Variants in UNC5D observed in about 807,000 individuals in gnomAD.
UNC5D encodes the protein unc-5 netrin receptor D.
A neutral mutation model predicts 105.4 loss-of-function variants in UNC5D; 39 were observed. The ratio of observed to expected loss-of-function variants is 0.37; its 90% confidence interval spans 0.29 to 0.48. The LOEUF (loss-of-function observed/expected upper bound fraction) is 0.48. Ranked by LOEUF, UNC5D falls within the 20% of genes least tolerant of loss-of-function variation. The probability of loss-of-function intolerance (pLI) is 0.98; values close to 1 mark genes in which losing one functional copy is unlikely to be tolerated. For synonymous variants in UNC5D, 452 were observed against 450.4 expected, an observed-to-expected ratio of 1.00 and a Z score of -0.04; for missense variants, 991 against 1,202.4, an observed-to-expected ratio of 0.82 and a Z score of 2.60.
intron 1 of UNC5D, among the ~76,000 whole-genome samples, chr8:35,360,097 A>G (rs1388324457): frequency 1.3e-5 from 2 of 152,208 alleles, no homozygotes; most frequent in Admixed American, 6.5e-5. Flanking sequence ...ATAATGCACT[A>G]GAAAATTAGT....
intron 4 of UNC5D, among the ~76,000 whole-genome samples, chr8:35,607,874 C>A (rs1180785796): frequency 6.6e-6 from 1 of 151,876 alleles, no homozygotes; most frequent in East Asian, 1.9e-4. Flanking sequence ...AACCCTAACC[C>A]TAGCAGTATG....
intron 1 of UNC5D, among the ~76,000 whole-genome samples, chr8:35,391,034 A>T (rs952472666): frequency 6.6e-6 from 1 of 152,170 alleles, no homozygotes; most frequent in African/African-American, 2.4e-5. Context: ...CTGTACTTTC[A>T]TCTGTGACTG....
intron 16 of UNC5D, among the ~76,000 whole-genome samples, chr8:35,778,535 A>G (rs1802360058): frequency 6.6e-6 from 1 of 152,200 alleles, no homozygotes; most frequent in South Asian, 2.1e-4. Flanking sequence ...TAAGAAAGCT[A>G]TGCATGGCTG....
intron 1 of UNC5D, among the ~76,000 whole-genome samples, chr8:35,441,943 C>T (rs1190418039): frequency 1.3e-5 from 2 of 151,768 alleles, no homozygotes; most frequent in African/African-American, 4.8e-5. Flanking sequence ...GATTCCAGGA[C>T]CTATTTGATT....
At chr8:35,511,759 A>T (rs1812724701) in intron 1 of UNC5D, among the ~76,000 whole-genome samples, 1 of 152,116 alleles carries the variant, frequency 6.6e-6, no homozygotes, top group South Asian at 2.1e-4. Context: ...AAAAACCCTC[A>T]AAGTTTTAAG....
At chr8:35,328,827 A>T (rs988648481) in intron 1 of UNC5D, among the ~76,000 whole-genome samples, 4 of 152,160 alleles carry the variant, frequency 2.6e-5, no homozygotes, top group Non-Finnish European at 5.9e-5. Context: ...GTTGAGATGA[A>T]CTGTTTCTTT....
chr8:35,533,709 C>T (rs554368673), intron 1 of UNC5D, among the ~76,000 whole-genome samples: 41 of 152,338 alleles, frequency 2.7e-4, no homozygotes, highest in African/African-American at 9.4e-4. Flanking sequence ...ATTCCGTGGG[C>T]GTAGGACCCT....
chr8:35,583,938 T>C (rs1818617128), intron 3 of UNC5D, among the ~76,000 whole-genome samples: 1 of 152,170 alleles, frequency 6.6e-6, no homozygotes, highest in African/African-American at 2.4e-5. Flanking sequence ...ACCCATTATT[T>C]TCTTGTCAAA....
intron 9 of UNC5D, among the ~76,000 whole-genome samples, chr8:35,723,733 A>T (rs966664543): frequency 1.3e-5 from 2 of 152,172 alleles, no homozygotes; most frequent in African/African-American, 4.8e-5. Flanking sequence ...TACCTAAAAA[A>T]CTAGAAACAT....
At chr8:35,432,667 TG>T (rs1372470477) in intron 1 of UNC5D, among the ~76,000 whole-genome samples, 3 of 152,182 alleles carry the variant, frequency 2.0e-5, no homozygotes, top group Non-Finnish European at 4.4e-5. Context: ...TGGAATGAGC[TG>T]GAAAAACGGG....
In UNC5D at chr8:35,766,958, C is replaced by T. The variant is rs1191608438; in HGVS notation, c.2370C>T (p.Phe790=). The change falls in exon 15 of 17, where the codon TTC becomes TTT. Residue 790 remains phenylalanine, a synonymous_variant. Coordinates refer to ENST00000404895, the MANE Select transcript of UNC5D (RefSeq NM_080872.4). ...CSNRQPLHCA[F]SLERYTPTTT... is the part of the protein sequence containing the mutation. ...ACCGGCAGCCCCTGCACTGTGCCTT[C>T]TCCCTGGAGCGTTATACGCCCACTA... 12 of 1,613,958 alleles carry T rather than the reference C, an allele frequency of 7.4e-6. No individual in the cohort carries two copies. The highest frequency in any genetic ancestry group is 8.5e-6 in the Non-Finnish European group (10 of 1,179,986).
intron 1 of UNC5D, among the ~76,000 whole-genome samples, chr8:35,287,997 A>G (rs886648923): frequency 3.9e-5 from 6 of 152,138 alleles, no homozygotes; most frequent in African/African-American, 7.2e-5. Context: ...ACCTTTGCAT[A>G]ATACAAATTC....
intron 4 of UNC5D, among the ~76,000 whole-genome samples, chr8:35,648,738 A>C (rs79363234): frequency 0.038 from 5,783 of 151,652 alleles, 151 homozygotes; most frequent in Non-Finnish European, 0.057. Context: ...AGAAGTCAAT[A>C]GTGAGATAGT....
intron 1 of UNC5D, among the ~76,000 whole-genome samples, chr8:35,312,332 C>T (rs1414114672): frequency 6.6e-6 from 1 of 152,160 alleles, no homozygotes; most frequent in Non-Finnish European, 1.5e-5. Flanking sequence ...TCAGAAATTA[C>T]TACTGTAGGC....
chr8:35,790,789 C>T lies in UNC5D; in HGVS notation c.*226C>T. 1 of 569,508 alleles carries T rather than the reference C, an allele frequency of 1.8e-6. No homozygotes were observed. Among genetic ancestry groups the T allele is most frequent in the South Asian group, 2.2e-5 (1 of 45,980 alleles). The allele number at this position is 569,508 out of a possible 1,614,324, so 35.3% of individuals were successfully genotyped here. ...AGGGCTCTACTATCTCCTTGGAATCCACATTTGGGTTAACTCCTCAGATTT... is the reference window on the plus strand; with the variant it reads ...AGGGCTCTACTATCTCCTTGGAATCTACATTTGGGTTAACTCCTCAGATTT... On this transcript the variant is annotated 3_prime_UTR_variant, in exon 17 of 17. Transcript: ENST00000404895.
At chr8:35,549,254 A>T (rs1815923312) in intron 1 of UNC5D, 38 bp from the exon 2 acceptor site, 1 of 1,603,800 alleles carries the variant, frequency 6.2e-7, no homozygotes, top group Non-Finnish European at 8.5e-7. Flanking sequence ...TGTGCTATCA[A>T]TGTAGGCTGT....
intron 7 of UNC5D, among the ~76,000 whole-genome samples, chr8:35,696,589 T>A (rs1249098542): frequency 6.6e-6 from 1 of 152,142 alleles, no homozygotes; most frequent in Non-Finnish European, 1.5e-5. Flanking sequence ...AGTAATCTAC[T>A]GTTGTGAAAA....
Position 35,726,417 on chromosome 8 carries a change from C to T in UNC5D, c.1569C>T (p.Pro523=), listed in dbSNP as rs140027811. The T allele has an allele frequency of 5.7e-4, 926 of 1,614,142 alleles. No homozygotes were observed. Among genetic ancestry groups the T allele is most frequent in the Middle Eastern group, 3.0e-3 (18 of 6,062 alleles). ...GNNHSFSTMH[P]RNKMPYIQNL... is the part of the protein sequence containing the mutation. ...ACCACAGCTTTAGTACAATGCATCCCAGAAATAAAATGCCCTACATCCAAA... is the reference window on the plus strand; with the variant it reads ...ACCACAGCTTTAGTACAATGCATCCTAGAAATAAAATGCCCTACATCCAAA... The change falls in exon 10 of 17, where the codon CCC becomes CCT. Residue 523 remains proline (P), a synonymous_variant. Transcript: ENST00000404895.
intron 4 of UNC5D, among the ~76,000 whole-genome samples, chr8:35,639,611 A>G (rs1313566592): frequency 1.3e-5 from 2 of 152,214 alleles, no homozygotes; most frequent in East Asian, 1.9e-4. Context: ...CTGAAAGCCA[A>G]TTAATAACTA....
Sources: allele counts gnomAD v4.1 joint callset (sites outside exome capture counted in the v4.1 genomes callset), GRCh38; gene constraint gnomAD v4.1.1; transcripts MANE v1.5; gene names NCBI Gene and HGNC (gene_info 2026-07-23, HGNC 2026-07-21).